Variants in THRB observed in about 807,000 individuals in gnomAD.
THRB encodes the protein nuclear receptor subfamily 1 group A member 2.
Under a neutral mutation model 47.8 loss-of-function variants are expected in THRB, and 12 were observed. The observed-to-expected ratio is 0.25, with a 90% CI of 0.16 to 0.41. THRB has a LOEUF of 0.41. THRB is among the 10% of genes least tolerant of loss of function. The pLI is 1.00. For missense variants in THRB, 348 were observed against 589.2 expected (o/e 0.59, Z 4.24); for synonymous variants, 218 against 212.2 (o/e 1.03, Z -0.24).
intron 2 of THRB, among the ~76,000 whole-genome samples, chr3:24,323,507 A>C (rs2058619338): frequency 6.6e-6 from 1 of 152,242 alleles, no homozygotes; most frequent in African/African-American, 2.4e-5. Context: ...ATTCTGATTC[A>C]TTAGATCTGG....
At chr3:24,235,666 A>G (rs2048784141) in intron 3 of THRB, among the ~76,000 whole-genome samples, 1 of 152,074 alleles carries the variant, frequency 6.6e-6, no homozygotes, top group African/African-American at 2.4e-5. Flanking sequence ...TTCATTTTAA[A>G]AGGTCAGACC....
chr3:24,207,611 C>T lies in THRB; in HGVS notation c.23-17277G>A, dbSNP rs1190972987. 2.6e-5 allele frequency among the ~76,000 whole-genome samples: 4 copies of T among 152,130 alleles called. No homozygotes were observed. In the East Asian group the frequency reaches 7.7e-4, roughly 29 times the overall value. On this transcript the variant is annotated intron_variant, in intron 4 of 10. Transcript: ENST00000646209. ...TACCCAGCTGCACAGCCCCATTCCT[C>T]CCCATTTTTCCTTCCTATACCTCAA...
At chr3:24,490,359 G>A (rs1369043980) in intron 1 of THRB, among the ~76,000 whole-genome samples, 1 of 152,174 alleles carries the variant, frequency 6.6e-6, no homozygotes, top group African/African-American at 2.4e-5. Context: ...TGCAATGCAG[G>A]CAGCAAACGT....
Position 24,119,457 on chromosome 3 carries a change from T to C in THRB, c.*3427A>G, listed in dbSNP as rs969094921. 4 of 152,152 alleles carry C rather than the reference T, an allele frequency of 2.6e-5. No individual in the cohort carries two copies. Among genetic ancestry groups the C allele is most frequent in the African/African-American group, 7.2e-5 (3 of 41,434 alleles). 9.4% of individuals were successfully genotyped at this position (152,152 alleles called of 1,614,324 possible). A position where few individuals can be genotyped will look rare whatever the true frequency, so the allele number is the denominator to read the frequency against. On this transcript the variant is annotated 3_prime_UTR_variant, in exon 11 of 11. Coordinates refer to ENST00000646209, the MANE Select transcript of THRB (RefSeq NM_001354712.2). ...ATGACACGAATAGGTTAGAGTTCCA[T>C]AGAATAAAAAGGTATCACTGACAAT...
At chr3:24,298,184 T>C (rs878972516) in intron 2 of THRB, among the ~76,000 whole-genome samples, 1 of 152,236 alleles carries the variant, frequency 6.6e-6, no homozygotes, top group Admixed American at 6.5e-5. Flanking sequence ...CAACTTTTTA[T>C]TAAAGTGTCA....
In THRB at chr3:24,127,561, G is replaced by C; in HGVS notation, c.1082C>G (p.Ser361Cys). Reference sequence around the variant, plus strand: ...TTCAGTGTCATCCAGGTTGAAAGAAGACAGAGACATGCCCAGGTCAAAGAT... The same window carrying C: ...TTCAGTGTCATCCAGGTTGAAAGAACACAGAGACATGCCCAGGTCAAAGAT... The part of the protein sequence containing the change: ...DAIFDLGMSL[S>C]SFNLDDTEVA... Residue 361 changes from serine to cysteine, a missense_variant, in exon 10 of 11, where the codon TCT becomes TGT. Ser to Cys is a moderately radical substitution (Grantham distance 112). Transcript: ENST00000646209. 2 of 1,614,190 alleles carry C rather than the reference G, an allele frequency of 1.2e-6. No individual in the cohort carries two copies. Among genetic ancestry groups the C allele is most frequent in the Non-Finnish European group, 8.5e-7 (1 of 1,180,034 alleles).
At chr3:24,131,327 C>T (rs771148234) in intron 9 of THRB, among the ~76,000 whole-genome samples, 4 of 152,062 alleles carry the variant, frequency 2.6e-5, no homozygotes, top group Admixed American at 1.3e-4. Context: ...TCAATGAATA[C>T]GTATAATTTT....
At chr3:24,468,929 G>A (rs911605060) in intron 1 of THRB, among the ~76,000 whole-genome samples, 1 of 152,124 alleles carries the variant, frequency 6.6e-6, no homozygotes, top group Non-Finnish European at 1.5e-5. Flanking sequence ...TAATATCTAT[G>A]AGGCACATAG....
intron 1 of THRB, among the ~76,000 whole-genome samples, chr3:24,483,467 C>T (rs1298498021): frequency 6.6e-6 from 1 of 151,442 alleles, no homozygotes; most frequent in African/African-American, 2.4e-5. Context: ...CCTTTGCTTT[C>T]TGACATCTCT....
At chr3:24,415,910 G>A (rs545344045) in intron 1 of THRB, among the ~76,000 whole-genome samples, 5 of 151,752 alleles carry the variant, frequency 3.3e-5, no homozygotes, top group South Asian at 2.1e-4. Flanking sequence ...TTTGTATGAC[G>A]GACCCAGTTA....
intron 1 of THRB, among the ~76,000 whole-genome samples, chr3:24,453,664 A>G (rs939810786): frequency 6.6e-6 from 1 of 152,220 alleles, no homozygotes; most frequent in Admixed American, 6.5e-5. Context: ...GCTAAAATCC[A>G]CAAAACCACT....
At chr3:24,138,759 T>G (rs907289872) in intron 8 of THRB, among the ~76,000 whole-genome samples, 2 of 152,212 alleles carry the variant, frequency 1.3e-5, no homozygotes, top group African/African-American at 4.8e-5. Context: ...TGTCTGACCC[T>G]TCTGCTTATG....
chr3:24,268,398 T>C (rs985991468), intron 3 of THRB, among the ~76,000 whole-genome samples: 3 of 152,184 alleles, frequency 2.0e-5, no homozygotes, highest in Non-Finnish European at 4.4e-5. Flanking sequence ...TGAGATCCTT[T>C]AAAAAATTGC....
intron 4 of THRB, among the ~76,000 whole-genome samples, chr3:24,210,135 T>C (rs1347157757): frequency 1.3e-5 from 2 of 152,140 alleles, no homozygotes; most frequent in African/African-American, 4.8e-5. Flanking sequence ...TGCTGCAAAA[T>C]GGTCCATGCT....
At chr3:24,125,865 C>T (rs571453175) in intron 10 of THRB, among the ~76,000 whole-genome samples, 20 of 152,188 alleles carry the variant, frequency 1.3e-4, no homozygotes, top group African/African-American at 4.3e-4. Context: ...GGTACAGGTC[C>T]TGCACACACT....
intron 5 of THRB, among the ~76,000 whole-genome samples, chr3:24,154,892 T>G (rs1423962684): frequency 6.6e-6 from 1 of 152,234 alleles, no homozygotes; most frequent in Non-Finnish European, 1.5e-5. Context: ...ACAAGTCATT[T>G]CTGTCTAATC....
intron 1 of THRB, among the ~76,000 whole-genome samples, chr3:24,429,705 A>C (rs950637106): frequency 1.3e-5 from 2 of 152,020 alleles, no homozygotes; most frequent in African/African-American, 4.8e-5. Flanking sequence ...ACAGGGCCTT[A>C]CTATGTTGCC....
intron 2 of THRB, among the ~76,000 whole-genome samples, chr3:24,331,393 C>T (rs1383033969): frequency 2.0e-5 from 3 of 152,144 alleles, no homozygotes; most frequent in Non-Finnish European, 4.4e-5. Flanking sequence ...CTTTCTCCAG[C>T]TTGGCTTCTT....
intron 1 of THRB, among the ~76,000 whole-genome samples, chr3:24,402,066 GAAAGT>G (rs2150088190): frequency 6.6e-6 from 1 of 152,116 alleles, no homozygotes; most frequent in East Asian, 1.9e-4. Flanking sequence ...CCAAGGAGAA[GAAAGT>G]AAAGTCTGGG....
Sources: gnomAD v4.1 joint callset for allele counts (sites outside exome capture counted in the v4.1 genomes callset) on GRCh38, gnomAD v4.1.1 for gene constraint, MANE v1.5 for transcripts, NCBI Gene and HGNC (gene_info 2026-07-23, HGNC 2026-07-21) for gene names.